The following ZNF516 variants were observed in gnomAD, a reference collection of about 807,000 sequenced individuals.
The protein encoded by ZNF516 is zinc finger protein 516.
ZNF516 carries 19 observed loss-of-function variants against 79.7 expected under a neutral mutation model. The observed-to-expected ratio is 0.24, with a 90% CI of 0.17 to 0.35. The LOEUF (loss-of-function observed/expected upper bound fraction) is 0.35. Ranked by LOEUF, ZNF516 falls within the 10% of genes least tolerant of loss-of-function variation. ZNF516 has a pLI of 1.00. For missense variants in ZNF516, 1,678 were observed against 1,679.5 expected (o/e 1.00, Z 0.02); for synonymous variants, 877 against 739.5 (o/e 1.19, Z -3.02).
chr18:76,398,779 A>T (rs2075179058), intron 3 of ZNF516, among the ~76,000 whole-genome samples: 1 of 152,228 alleles, frequency 6.6e-6, no homozygotes, highest in African/African-American at 2.4e-5. Flanking sequence ...TCCGACTTAA[A>T]GCCAACTAAT....
At position 76,442,462 on chromosome 18, in the gene ZNF516, T is replaced by G. The variant is rs1911745548; in HGVS notation, c.593A>C (p.Lys198Thr). 1.9e-6 allele frequency: 3 copies of G among 1,605,418 alleles called. No homozygotes were observed. Among genetic ancestry groups the G allele is most frequent in the Non-Finnish European group, 2.5e-6 (3 of 1,179,662 alleles). Residue 198 changes from lysine to threonine, a missense_variant, in exon 3 of 7, where the codon AAG becomes ACG. By Grantham distance (78) the Lys-to-Thr change is moderately conservative. Transcript: ENST00000443185. The part of the protein sequence containing the change: ...DLELHVHQAH[K>T]PFKCRLCSYA... ...GCTGCACAGCCTGCACTTGAACGGC[T>G]TGTGCGCCTGGTGCACGTGCAGCTC...
intron 3 of ZNF516, among the ~76,000 whole-genome samples, chr18:76,391,334 T>C (rs569889757): frequency 1.3e-5 from 2 of 151,902 alleles, no homozygotes; most frequent in South Asian, 2.1e-4. Context: ...ACCTAACAAC[T>C]AACATGAACA....
rs867104475 is a variant in ZNF516, at chr18:76,459,445, G to C, written c.-158+3583C>G. 1.1e-4 allele frequency among the ~76,000 whole-genome samples: 17 copies of C among 152,358 alleles called. No individual in the cohort carries two copies. The Middle Eastern group carries it at 0.014, about 122-fold the overall frequency. Reference sequence around the variant, plus strand: ...AACTCTGGCCCTCCACTGCCGGCCAGGGAGGCCTCGCGTGCCAAGCTGGCC... The same window carrying C: ...AACTCTGGCCCTCCACTGCCGGCCACGGAGGCCTCGCGTGCCAAGCTGGCC... On this transcript the variant is annotated intron_variant, in intron 2 of 6. Transcript: ENST00000443185. This position sits in a 1 kb window ranked among gnomAD's most constrained non-coding sequence, Gnocchi z 5.0.
In ZNF516 at chr18:76,479,757, C is replaced by CT. The variant is rs1351571104; in HGVS notation, c.-272+15386_-272+15387insA. On this transcript the variant is annotated intron_variant, in intron 1 of 6. Transcript: ENST00000443185. Reference sequence around the variant, plus strand: ...TTGCAAGAGTGTGCAGAGGGGCAGACATTGGCAGGGTCAGGCCCTTGGCCT... The same window carrying CT: ...TTGCAAGAGTGTGCAGAGGGGCAGACTATTGGCAGGGTCAGGCCCTTGGCCT... Among the ~76,000 whole-genome samples the CT allele has an allele frequency of 5.9e-5, 9 of 152,358 alleles. No homozygotes were observed. In the East Asian group the frequency reaches 1.7e-3, roughly 29 times the overall value.
At chr18:76,440,737 TG>T (rs1475509093) in intron 3 of ZNF516, among the ~76,000 whole-genome samples, 11 of 68,480 alleles carry the variant, frequency 1.6e-4, no homozygotes, top group African/African-American at 2.3e-4. Context: ...TGTGTGTGTG[TG>T]TGTTTGTGTG....
At chr18:76,477,389 G>C in intron 1 of ZNF516, among the ~76,000 whole-genome samples, 1 of 152,106 alleles carries the variant, frequency 6.6e-6, no homozygotes, top group African/African-American at 2.4e-5. Flanking sequence ...AGGAGTAACA[G>C]GTAACCTGAA....
intron 6 of ZNF516, among the ~76,000 whole-genome samples, chr18:76,366,217 T>C (rs2074609470): frequency 6.6e-6 from 1 of 152,248 alleles, no homozygotes; most frequent in African/African-American, 2.4e-5. Flanking sequence ...TTCAGCAGAT[T>C]TACCTGGCCC....
intron 3 of ZNF516, among the ~76,000 whole-genome samples, chr18:76,391,339 T>C (rs1294113195): frequency 2.0e-5 from 3 of 152,036 alleles, no homozygotes; most frequent in East Asian, 3.9e-4. Flanking sequence ...ACAACTAACA[T>C]GAACACCTGA....
intron 3 of ZNF516, among the ~76,000 whole-genome samples, chr18:76,402,907 A>C (rs690252): frequency 1 from 151,278 of 151,982 alleles, 75,293 homozygotes; most frequent in Middle Eastern, 1. Context: ...CTCGCAGGAC[A>C]ACAAGTGATC....
intron 3 of ZNF516, among the ~76,000 whole-genome samples, chr18:76,436,144 T>G (rs1414958863): frequency 6.6e-6 from 1 of 152,222 alleles, no homozygotes; most frequent in Non-Finnish European, 1.5e-5. Flanking sequence ...GTCTGGATAC[T>G]AAGGGGGGCT....
chr18:76,402,976 C>T (rs748455985), intron 3 of ZNF516, among the ~76,000 whole-genome samples: 2 of 152,242 alleles, frequency 1.3e-5, no homozygotes, highest in Non-Finnish European at 2.9e-5. Flanking sequence ...AGCCAGAAGC[C>T]ACCTGCAAAG....
intron 3 of ZNF516, among the ~76,000 whole-genome samples, chr18:76,399,306 T>C (rs2075187134): frequency 6.6e-6 from 1 of 152,266 alleles, no homozygotes; most frequent in Non-Finnish European, 1.5e-5. Flanking sequence ...ATGCATCCTT[T>C]TGATCTGCAT....
Position 76,401,226 on chromosome 18 carries a change from T to A in ZNF516, c.1811-20923A>T, listed in dbSNP as rs1048432143. Among the ~76,000 whole-genome samples the A allele has an allele frequency of 6.7e-5, 10 of 149,758 alleles. No homozygotes were observed. The East Asian group carries it at 2.0e-3, about 30-fold the overall frequency. On this transcript the variant is annotated intron_variant, in intron 3 of 6. Coordinates refer to ENST00000443185, the MANE Select transcript of ZNF516 (RefSeq NM_014643.4). ...GGCATAAATGGGTTAAGTTTTGTTC[T>A]TATAGTTCACCTTCAATTTATCTTT...
In ZNF516 at chr18:76,380,229, T is replaced by G; in HGVS notation, c.1885A>C (p.Lys629Gln). 6.2e-7 allele frequency: 1 copy of G among 1,614,008 alleles called. No individual in the cohort carries two copies. The highest frequency in any genetic ancestry group is 8.5e-7 in the Non-Finnish European group (1 of 1,179,894). The change falls in exon 4 of 7, where the codon AAG (lysine) becomes CAG (glutamine). Residue 629 changes from lysine (K) to glutamine (Q), a missense_variant. Around this residue, in one of 5 missense-constraint regions of ZNF516, gnomAD observed 1,294 missense variants for 1,248.3 expected, o/e 1.04. Transcript: ENST00000443185. ...TELSSGDQSH[K>Q]MGDNASERDT... is the part of the protein sequence containing the mutation. Reference sequence around the variant, plus strand: ...CTTTCCGAGGCGTTATCTCCCATCTTGTGACTCTGGTCTCCACTGGAGAGC... The same window carrying G: ...CTTTCCGAGGCGTTATCTCCCATCTGGTGACTCTGGTCTCCACTGGAGAGC...
Position 76,442,566 on chromosome 18 carries a change from G to A in ZNF516, c.489C>T (p.Ser163=), listed in dbSNP as rs780237445. 31 of 1,598,618 alleles carry A rather than the reference G, an allele frequency of 1.9e-5. No individual in the cohort carries two copies. Among genetic ancestry groups the A allele is most frequent in the South Asian group, 1.1e-4 (10 of 91,032 alleles). Residue 163 remains serine, a synonymous_variant, in exon 3 of 7, where the codon TCC becomes TCT. Transcript: ENST00000443185. The part of the protein sequence containing the change: ...LRSSKKGAEG[S]ACAPGEAKAA... ...CCTTGGCCTCCCCCGGGGCGCATGC[G>A]GACCCCTCTGCCCCCTTCTTGCTGC...
chr18:76,438,653 G>A (rs1333407093), intron 3 of ZNF516, among the ~76,000 whole-genome samples: 1 of 152,002 alleles, frequency 6.6e-6, no homozygotes, highest in Non-Finnish European at 1.5e-5. Context: ...AGGAATAGAT[G>A]GCAACATTCA....
chr18:76,479,794 T>C (rs1599154630), intron 1 of ZNF516, among the ~76,000 whole-genome samples: 1 of 152,234 alleles, frequency 6.6e-6, no homozygotes, highest in Non-Finnish European at 1.5e-5. Flanking sequence ...CTGGCTGCCC[T>C]GTGGTCTCCC....
intron 3 of ZNF516, among the ~76,000 whole-genome samples, chr18:76,436,992 G>A (rs906616346): frequency 3.9e-5 from 6 of 151,938 alleles, no homozygotes; most frequent in Admixed American, 1.3e-4. Context: ...GCTTGAGCCC[G>A]GGAGGCGGAG....
intron 2 of ZNF516, among the ~76,000 whole-genome samples, chr18:76,443,716 G>A (rs1448781927): frequency 6.6e-6 from 1 of 152,232 alleles, no homozygotes; most frequent in Non-Finnish European, 1.5e-5. Context: ...TGGGATACGA[G>A]CTGAGAAATG....
Sources: gnomAD v4.1 joint callset for allele counts (sites outside exome capture counted in the v4.1 genomes callset) on GRCh38, gnomAD v4.1.1 for gene constraint, gnomAD v4.1.1 regional missense constraint, Gnocchi (gnomAD v3.1) non-coding constraint, MANE v1.5 for transcripts, NCBI Gene and HGNC (gene_info 2026-07-23, HGNC 2026-07-21) for gene names.